Variants in PANX1 observed in about 807,000 individuals in gnomAD.
The protein encoded by PANX1 is pannexin-1.
A neutral mutation model predicts 38.7 loss-of-function variants in PANX1; 30 were observed. That is an observed-to-expected ratio of 0.78 (90% CI 0.58 to 1.05). The LOEUF is 1.05. Among genes scored for constraint, PANX1 ranks in the 50% least tolerant of loss-of-function variants. The pLI is 0.00. For missense variants in PANX1, 551 were observed against 517.2 expected (o/e 1.07, Z -0.63); for synonymous variants, 230 against 212.2 (o/e 1.08, Z -0.73).
chr11:94,152,314 C>G (rs1946891420), intron 1 of PANX1, among the ~76,000 whole-genome samples: 1 of 152,160 alleles, frequency 6.6e-6, no homozygotes, highest in South Asian at 2.1e-4. Context: ...CACAACAAAT[C>G]TGTAATGTGG....
At chr11:94,176,697 A>G (rs986222255) in intron 2 of PANX1, among the ~76,000 whole-genome samples, 1 of 151,552 alleles carries the variant, frequency 6.6e-6, no homozygotes, top group East Asian at 1.9e-4. Context: ...GTCCATTACA[A>G]CTCTGAGAAA....
chr11:94,178,355 CTCT>C lies in PANX1; in HGVS notation c.322-12_322-10del. On this transcript the variant is annotated splice_polypyrimidine_tract_variant and intron_variant, in intron 2 of 4. Transcript: ENST00000227638. Reference sequence around the variant, plus strand: ...GGGTTTGTTAAGCCCATGATTTGTTCTCTTGTTTTTCAGTTTTTCCCCTACATC... The same window carrying C: ...GGGTTTGTTAAGCCCATGATTTGTTCTGTTTTTCAGTTTTTCCCCTACATC... The C allele has an allele frequency of 6.2e-7, 1 of 1,603,174 alleles. No homozygotes were observed. Among genetic ancestry groups the C allele is most frequent in the Non-Finnish European group, 8.5e-7 (1 of 1,170,222 alleles).
intron 1 of PANX1, among the ~76,000 whole-genome samples, chr11:94,142,098 C>T (rs934003108): frequency 6.6e-6 from 1 of 152,120 alleles, no homozygotes; most frequent in Non-Finnish European, 1.5e-5. Context: ...CCCTTCCTGT[C>T]GTGTGTCTGC....
At position 94,179,778 on chromosome 11, in the gene PANX1, C is replaced by G. The variant is rs1565387183; in HGVS notation, c.722C>G (p.Ser241Ter). ...LGYYFSLSSL[S>*]DEFVCSIKSG... ...TATTACTTCAGCCTCTCCTCACTCT[C>G]AGACGAGTTTGTGTGCAGCATCAAA... is the stretch of plus-strand genomic sequence containing the variant. The change falls in exon 4 of 5, where the codon TCA (serine) becomes TGA (stop). Residue 241 changes from serine (S) to a stop codon, truncating the protein, a stop_gained. Transcript: ENST00000227638. LOFTEE classifies it high-confidence loss of function. 4 of 1,614,048 alleles carry G rather than the reference C, an allele frequency of 2.5e-6. No individual in the cohort carries two copies. Among genetic ancestry groups the G allele is most frequent in the African/African-American group, 1.3e-5 (1 of 74,910 alleles).
At chr11:94,162,143 C>T (rs1417750802) in intron 2 of PANX1, among the ~76,000 whole-genome samples, 5 of 152,182 alleles carry the variant, frequency 3.3e-5, no homozygotes, top group African/African-American at 1.2e-4. Flanking sequence ...GGGGGTGCCT[C>T]CCAGTTAGGC....
At chr11:94,146,710 G>A (rs1014052113) in intron 1 of PANX1, among the ~76,000 whole-genome samples, 5 of 152,306 alleles carry the variant, frequency 3.3e-5, no homozygotes, top group Admixed American at 6.5e-5. Flanking sequence ...GGTGGTGCTC[G>A]CCACACACAT....
intron 1 of PANX1, among the ~76,000 whole-genome samples, chr11:94,133,909 G>A (rs542644118): frequency 3.3e-5 from 5 of 152,284 alleles, no homozygotes; most frequent in Middle Eastern, 3.4e-3. Flanking sequence ...GGGAATGGAC[G>A]GAGTGTTCTG....
At chr11:94,162,029 C>T (rs1036424062) in intron 2 of PANX1, among the ~76,000 whole-genome samples, 1 of 152,178 alleles carries the variant, frequency 6.6e-6, no homozygotes, top group African/African-American at 2.4e-5. Flanking sequence ...GGCTGCAGAA[C>T]AGCAGATACT....
At chr11:94,142,014 GCA>G (rs1219198032) in intron 1 of PANX1, among the ~76,000 whole-genome samples, 1 of 152,212 alleles carries the variant, frequency 6.6e-6, no homozygotes, top group Non-Finnish European at 1.5e-5. Context: ...TGTGTCTGGG[GCA>G]CACAGAGTGG....
chr11:94,147,692 A>G (rs1213909884), intron 1 of PANX1, among the ~76,000 whole-genome samples: 1 of 152,154 alleles, frequency 6.6e-6, no homozygotes, highest in Non-Finnish European at 1.5e-5. Flanking sequence ...AGGCCCAGCA[A>G]TGTGGTCATT....
At chr11:94,129,627 C>G in intron 1 of PANX1, 134 bp downstream of exon 1, 1 of 756,150 alleles carries the variant, frequency 1.3e-6, no homozygotes, top group Non-Finnish European at 2.1e-6. Flanking sequence ...GCAGTGGCCC[C>G]AGTTTTATGG....
At chr11:94,145,473 A>G (rs1334565871) in intron 1 of PANX1, among the ~76,000 whole-genome samples, 1 of 152,216 alleles carries the variant, frequency 6.6e-6, no homozygotes, top group Non-Finnish European at 1.5e-5. Context: ...TAGCAGAGAT[A>G]TTTGGTTTTC....
chr11:94,173,372 A>C (rs11020672), intron 2 of PANX1, among the ~76,000 whole-genome samples: 3,516 of 151,636 alleles, frequency 0.023, 191 homozygotes, highest in East Asian at 0.067. Context: ...CCTGAATTGT[A>C]CAGCTAGATT....
chr11:94,143,365 T>C (rs1226138692), intron 1 of PANX1, among the ~76,000 whole-genome samples: 3 of 152,154 alleles, frequency 2.0e-5, no homozygotes, highest in Admixed American at 6.5e-5. Context: ...CAAATAAATA[T>C]GAAATTCATG....
chr11:94,180,662 T>G, intron 4 of PANX1, 128 bp from the exon 5 acceptor site: 1 of 593,720 alleles, frequency 1.7e-6, no homozygotes, highest in Non-Finnish European at 3.0e-6. Context: ...TTATTGATTC[T>G]TTTAGTTAGG....
intron 2 of PANX1, among the ~76,000 whole-genome samples, chr11:94,161,770 G>A (rs1191333954): frequency 6.6e-6 from 1 of 152,194 alleles, no homozygotes; most frequent in Non-Finnish European, 1.5e-5. Context: ...GTGAGGAGCT[G>A]CATTCCTTTG....
intron 2 of PANX1, among the ~76,000 whole-genome samples, chr11:94,156,248 C>G (rs7947511): frequency 0.48 from 72,378 of 152,010 alleles, 17,461 homozygotes; most frequent in Admixed American, 0.58. Flanking sequence ...GCCCATTGCT[C>G]TTCTAGTCAA....
Position 94,170,315 on chromosome 11 carries a change from T to C in PANX1, c.322-8054T>C, listed in dbSNP as rs1264932791. Among the ~76,000 whole-genome samples the C allele has an allele frequency of 3.3e-5, 5 of 151,744 alleles. 1 individual carries two copies. The highest frequency in any genetic ancestry group is 1.2e-4 in the African/African-American group (5 of 40,980). ...CATATAAGTGAAACCATACAATATT[T>C]GTCCTTTTGTGTCTGGCTTATCTCA... On this transcript the variant is annotated intron_variant, in intron 2 of 4. Transcript: ENST00000227638.
chr11:94,160,082 G>A (rs558424248), intron 2 of PANX1, among the ~76,000 whole-genome samples: 1 of 152,016 alleles, frequency 6.6e-6, no homozygotes, highest in Non-Finnish European at 1.5e-5. Context: ...ATTGCAGTGT[G>A]GTCTGAGAGA....
Sources: gnomAD v4.1 joint callset for allele counts (sites outside exome capture counted in the v4.1 genomes callset) on GRCh38, gnomAD v4.1.1 for gene constraint, MANE v1.5 for transcripts, NCBI Gene and HGNC (gene_info 2026-07-23, HGNC 2026-07-21) for gene names.